SEC14L1: variants seen among roughly 807,000 people sequenced by gnomAD.
The protein encoded by SEC14L1 is SEC14 like lipid binding 1, also known as SEC14-like protein 1.
Under a neutral mutation model 85.3 loss-of-function variants are expected in SEC14L1, and 48 were observed. The observed-to-expected ratio is 0.56, with a 90% CI of 0.45 to 0.72. SEC14L1 has a LOEUF of 0.72. Ranked by LOEUF, SEC14L1 falls within the 30% of genes least tolerant of loss-of-function variation. The pLI is 0.00. For synonymous variants in SEC14L1, 391 were observed against 355.5 expected (o/e 1.10, Z -1.12); for missense variants, 682 against 921.4 (o/e 0.74, Z 3.36).
intron 3 of SEC14L1, among the ~76,000 whole-genome samples, chr17:77,147,518 C>G (rs989348357): frequency 1.3e-5 from 2 of 152,084 alleles, no homozygotes; most frequent in African/African-American, 4.8e-5. Context: ...GAGCTTTCAG[C>G]GAGTTGGAGC....
chr17:77,104,120 C>CTTTT (rs1182648184), intron 3 of SEC14L1, among the ~76,000 whole-genome samples: 1 of 134,876 alleles, frequency 7.4e-6, no homozygotes, highest in Non-Finnish European at 1.6e-5. Flanking sequence ...TTTGTATTTA[C>CTTTT]TTTTTTTTTT....
At position 77,109,030 on chromosome 17, in the gene SEC14L1, C is replaced by T. The variant is rs569876913; in HGVS notation, c.-136+15683C>T. ...AGAGATGGGGTTTCACCATGTTGGT[C>T]AGGCTGGACTCAAACTTCTGACCTC... is the stretch of plus-strand genomic sequence containing the variant. On this transcript the variant is annotated intron_variant, in intron 3 of 19. Coordinates refer to the SEC14L1 transcript ENST00000392476. Among the ~76,000 whole-genome samples, 3 of 152,288 alleles carry T rather than the reference C, an allele frequency of 2.0e-5. No individual in the cohort carries two copies. In the South Asian group the frequency reaches 6.2e-4, roughly 32 times the overall value.
intron 3 of SEC14L1, among the ~76,000 whole-genome samples, chr17:77,169,696 G>T (rs553201770): frequency 1.3e-5 from 2 of 152,284 alleles, no homozygotes; most frequent in East Asian, 1.9e-4. Context: ...GGAGAAGAAG[G>T]TGAAGGGGGT....
intron 3 of SEC14L1, among the ~76,000 whole-genome samples, chr17:77,145,451 T>A (rs1200540705): frequency 6.6e-6 from 1 of 152,168 alleles, no homozygotes; most frequent in African/African-American, 2.4e-5. Flanking sequence ...TGTGAGGTTT[T>A]GGTTTGTGTG....
chr17:77,100,678 C>A (rs535632527), intron 3 of SEC14L1, among the ~76,000 whole-genome samples: 2 of 152,114 alleles, frequency 1.3e-5, no homozygotes, highest in East Asian at 3.9e-4. Context: ...CTCAAGCGAT[C>A]CACCCACCTC....
At chr17:77,133,832 G>A (rs1442062357) in intron 3 of SEC14L1, among the ~76,000 whole-genome samples, 5 of 151,604 alleles carry the variant, frequency 3.3e-5, no homozygotes, top group East Asian at 1.9e-4. Context: ...CCAGCTACTC[G>A]GGAGGCTGAG....
intron 3 of SEC14L1, among the ~76,000 whole-genome samples, chr17:77,132,522 G>C (rs1436540493): frequency 6.6e-6 from 1 of 152,108 alleles, no homozygotes; most frequent in African/African-American, 2.4e-5. Flanking sequence ...ACTGCGCCTG[G>C]GCAAGTCTGC....
intron 3 of SEC14L1, among the ~76,000 whole-genome samples, chr17:77,132,834 A>C (rs1215214715): frequency 6.7e-6 from 1 of 148,620 alleles, no homozygotes; most frequent in African/African-American, 2.5e-5. Flanking sequence ...ACTCCCCTAA[A>C]CTATACCCCA....
chr17:77,197,981 T>G (rs1975901639), intron 8 of SEC14L1, among the ~76,000 whole-genome samples: 1 of 152,240 alleles, frequency 6.6e-6, no homozygotes, highest in Non-Finnish European at 1.5e-5. Flanking sequence ...AAAGTAAAGT[T>G]TAACTTGCTA....
At chr17:77,195,974 CAG>C (rs1401788178) in intron 7 of SEC14L1, among the ~76,000 whole-genome samples, 1 of 152,084 alleles carries the variant, frequency 6.6e-6, no homozygotes, top group Non-Finnish European at 1.5e-5. Flanking sequence ...CAGTGGTAAT[CAG>C]GGAAAGATAA....
At chr17:77,211,673 C>CT (rs1440249973) in intron 14 of SEC14L1, 1 of 481,056 alleles carries the variant, frequency 2.1e-6, no homozygotes, top group Non-Finnish European at 3.8e-6. Context: ...GACCTGGCCT[C>CT]TTAGAGTGTG....
chr17:77,152,598 A>G (rs1476327001), intron 3 of SEC14L1: 1 of 151,636 alleles, frequency 6.6e-6, no homozygotes, highest in East Asian at 1.9e-4. Context: ...ATCTTGTGGT[A>G]TTGGGAAGTT....
intron 3 of SEC14L1, among the ~76,000 whole-genome samples, chr17:77,121,770 C>T (rs500416): frequency 0.81 from 123,876 of 152,218 alleles, 50,701 homozygotes; most frequent in African/African-American, 0.9. Flanking sequence ...CAGCCTTTAA[C>T]GGTGAATCAG....
At chr17:77,179,319 A>G (rs938408200) in intron 3 of SEC14L1, among the ~76,000 whole-genome samples, 1 of 152,186 alleles carries the variant, frequency 6.6e-6, no homozygotes, top group African/African-American at 2.4e-5. Flanking sequence ...CAAAAATGCT[A>G]AAATACTTGG....
intron 3 of SEC14L1, among the ~76,000 whole-genome samples, chr17:77,133,181 C>A (rs1030946755): frequency 6.6e-6 from 1 of 152,054 alleles, no homozygotes; most frequent in African/African-American, 2.4e-5. Flanking sequence ...CTGCGGTCCT[C>A]TTATGCCACA....
At chr17:77,103,874 C>T (rs978416588) in intron 3 of SEC14L1, among the ~76,000 whole-genome samples, 1 of 150,842 alleles carries the variant, frequency 6.6e-6, no homozygotes, top group African/African-American at 2.4e-5. Flanking sequence ...TGGATCCAGG[C>T]GGCACCGGGC....
At chr17:77,125,216 C>T (rs997523462) in intron 3 of SEC14L1, among the ~76,000 whole-genome samples, 8 of 151,958 alleles carry the variant, frequency 5.3e-5, no homozygotes, top group African/African-American at 9.7e-5. Context: ...AGGCCGGTCT[C>T]GAACTCCTGA....
In SEC14L1 at chr17:77,190,812, A is replaced by G; in HGVS notation, c.73A>G (p.Arg25Gly). The G allele has an allele frequency of 6.2e-7, 1 of 1,614,208 alleles. No individual in the cohort carries two copies. Among genetic ancestry groups the G allele is most frequent in the Admixed American group, 1.7e-5 (1 of 60,020 alleles). The change falls in exon 4 of 17, where the codon AGG (arginine) becomes GGG (glycine). Residue 25 changes from arginine (R) to glycine (G), a missense_variant. By Grantham distance (125) the Arg-to-Gly change is moderately radical (BLOSUM62 -2). Coordinates refer to ENST00000436233, the MANE Select transcript of SEC14L1 (RefSeq NM_001143998.2). The stretch of plus-strand genomic sequence containing the variant: ...GTTTTTAAATTTATAGGCCTATGAA[A>G]GGAGGTTCCCTACATGTCCTTTGAT... ...PFELIMAAYERRFPTCPLIPM... is the reference protein window; with the variant it reads ...PFELIMAAYEGRFPTCPLIPM...
intron 14 of SEC14L1, chr17:77,210,691 G>C (rs1052232705): frequency 6.6e-6 from 1 of 152,164 alleles, no homozygotes; most frequent in Admixed American, 6.5e-5. Context: ...ATTTCATAAC[G>C]TCTTGAGGAT....
Sources: allele counts gnomAD v4.1 joint callset (sites outside exome capture counted in the v4.1 genomes callset), GRCh38; gene constraint gnomAD v4.1.1; transcripts MANE v1.5; gene names NCBI Gene and HGNC (gene_info 2026-07-23, HGNC 2026-07-21).